WTIP: variants seen among roughly 807,000 people sequenced by gnomAD.
WTIP encodes Wilms tumor protein 1-interacting protein.
WTIP carries 23 observed loss-of-function variants against 41.7 expected under a neutral mutation model. The observed-to-expected ratio is 0.55, with a 90% CI of 0.40 to 0.78. WTIP has a LOEUF of 0.78. Among genes scored for constraint, WTIP ranks in the 30% least tolerant of loss-of-function variants. The pLI, the probability that WTIP is intolerant of heterozygous loss-of-function variation, is 0.00. For synonymous variants in WTIP, 314 were observed against 269.9 expected (o/e 1.16, Z -1.60); for missense variants, 619 against 610.5 (o/e 1.01, Z -0.15).
At position 34,482,446 on chromosome 19, in the gene WTIP, G is replaced by A. The variant is rs2075772683; in HGVS notation, c.472G>A (p.Asp158Asn). 2.3e-6 allele frequency: 3 copies of A among 1,309,582 alleles called. No individual in the cohort carries two copies. The highest frequency in any genetic ancestry group is 2.9e-6 in the Non-Finnish European group (3 of 1,029,838). The allele number at this position is 1,309,582 out of a possible 1,614,324, so 81.1% of individuals were successfully genotyped here. ...GSRGSAGAYADFLPPGACPAP... is the reference protein window; with the variant it reads ...GSRGSAGAYANFLPPGACPAP... The stretch of plus-strand genomic sequence containing the variant: ...CCGGGGCTCGGCCGGCGCCTACGCT[G>A]ACTTCCTCCCGCCCGGCGCCTGCCC... Residue 158 changes from aspartate (D) to asparagine (N), a missense_variant, in exon 1 of 8, where the codon GAC (aspartate) becomes AAC (asparagine). Asp to Asn is a conservative substitution (Grantham distance 23). Transcript: ENST00000590071.
In WTIP at chr19:34,502,516, C is replaced by T. The variant is rs1189166127; in HGVS notation, c.*2247C>T. The T allele has an allele frequency of 6.6e-6, 1 of 152,024 alleles. No individual in the cohort carries two copies. Among genetic ancestry groups the T allele is most frequent in the Non-Finnish European group, 1.5e-5 (1 of 68,112 alleles). The allele number at this position is 152,024 out of a possible 1,614,324, so 9.4% of individuals were successfully genotyped here. A position where few individuals can be genotyped will look rare whatever the true frequency, so the allele number is the denominator to read the frequency against. Reference sequence around the variant, plus strand: ...CTGGGCTGACTGCAACCTCTGCCTCCCACGTTCAAGCATTCTGCCTCAGCC... The same window carrying T: ...CTGGGCTGACTGCAACCTCTGCCTCTCACGTTCAAGCATTCTGCCTCAGCC... On this transcript the variant is annotated 3_prime_UTR_variant, in exon 8 of 8. Coordinates refer to ENST00000590071, the MANE Select transcript of WTIP (RefSeq NM_001080436.2).
rs1357438510 is a variant in WTIP at position 34,506,263 on chromosome 19, C to G, written c.*5994C>G. ...TGGGAAGCTCTGTCCCTGAACAGCC[C>G]TTGTGACTATGGGGCTGTCCTTCCA... On this transcript the variant is annotated 3_prime_UTR_variant, in exon 8 of 8. Coordinates refer to ENST00000590071, the MANE Select transcript of WTIP (RefSeq NM_001080436.2). 6.6e-6 allele frequency: 1 copy of G among 152,174 alleles called. No individual in the cohort carries two copies. Among genetic ancestry groups the G allele is most frequent in the Non-Finnish European group, 1.5e-5 (1 of 68,032 alleles). The allele number at this position is 152,174 out of a possible 1,614,324, so 9.4% of individuals were successfully genotyped here.
At chr19:34,495,614 A>G in intron 6 of WTIP, 89 bp from the exon 7 acceptor site, 1 of 1,477,718 alleles carries the variant, frequency 6.8e-7, no homozygotes, top group Non-Finnish European at 9.4e-7. Context: ...CCGCCGGGAC[A>G]GGAGCGTGGT....
intron 1 of WTIP, among the ~76,000 whole-genome samples, chr19:34,486,113 G>A (rs1195838482): frequency 1.2e-5 from 1 of 80,666 alleles, no homozygotes; most frequent in Non-Finnish European, 4.0e-5. Context: ...CCCACTCCCA[G>A]GGCCACACCG....
chr19:34,482,361 T>A lies in WTIP; in HGVS notation c.387T>A (p.Arg129=). 1 of 1,372,614 alleles carries A rather than the reference T, an allele frequency of 7.3e-7. No individual in the cohort carries two copies. The highest frequency in any genetic ancestry group is 9.4e-7 in the Non-Finnish European group (1 of 1,058,370). 85.0% of individuals were successfully genotyped at this position (1,372,614 alleles called of 1,614,324 possible). A position where few individuals can be genotyped will look rare whatever the true frequency, so the allele number is the denominator to read the frequency against. ...CGCGCTCCGGTCGCTCGGACCCGCG[T>A]CCCGGTCCCGGGCCGCCTTCGGTGG... ...GSPRSGRSDP[R]PGPGPPSVGS... Residue 129 remains arginine (R), a synonymous_variant, in exon 1 of 8, where the codon CGT becomes CGA. Transcript: ENST00000590071.
At chr19:34,484,481 C>T (rs796471263) in intron 1 of WTIP, among the ~76,000 whole-genome samples, 1 of 151,984 alleles carries the variant, frequency 6.6e-6, no homozygotes, top group South Asian at 2.1e-4. Context: ...GGTCTCGTGG[C>T]GCCTGTTGGA....
chr19:34,489,099 T>C (rs934544319), intron 1 of WTIP, among the ~76,000 whole-genome samples: 1 of 142,264 alleles, frequency 7.0e-6, no homozygotes, highest in Non-Finnish European at 1.5e-5. Flanking sequence ...CTCGGGAGGC[T>C]GAGGCAGGAG....
intron 1 of WTIP, among the ~76,000 whole-genome samples, chr19:34,488,927 G>A (rs1478394975): frequency 1.4e-5 from 2 of 143,550 alleles, no homozygotes; most frequent in African/African-American, 5.1e-5. Flanking sequence ...GCCGGGAGCA[G>A]TGGCTCACAC....
chr19:34,501,959 CTT>C lies in WTIP; in HGVS notation c.*1702_*1703del, dbSNP rs562675000. On this transcript the variant is annotated 3_prime_UTR_variant, in exon 8 of 8. Transcript: ENST00000590071. ...GCTGAGCTGCTTTTTCTTTTCTTTT[CTT>C]TTTTTTTTTTTGAGACGGAGTGTCA... The C allele has an allele frequency of 2.6e-4, 30 of 115,550 alleles. No homozygotes were observed. Among genetic ancestry groups the C allele is most frequent in the South Asian group, 8.4e-4 (3 of 3,580 alleles). The allele number at this position is 115,550 out of a possible 1,614,324, so 7.2% of individuals were successfully genotyped here.
intron 6 of WTIP, among the ~76,000 whole-genome samples, 193 bp downstream of exon 6, chr19:34,494,830 G>A (rs183532651): frequency 1.3e-5 from 2 of 152,338 alleles, no homozygotes; most frequent in East Asian, 1.9e-4. Flanking sequence ...GCACAAGGTC[G>A]AGGGAAGTGG....
At position 34,482,391 on chromosome 19, in the gene WTIP, C is replaced by T; in HGVS notation, c.417C>T (p.Ser139=). The T allele has an allele frequency of 1.5e-6, 2 of 1,366,356 alleles. No individual in the cohort carries two copies. The highest frequency in any genetic ancestry group is 9.5e-7 in the Non-Finnish European group (1 of 1,057,270). The allele number at this position is 1,366,356 out of a possible 1,614,324, so 84.6% of individuals were successfully genotyped here. A position where few individuals can be genotyped will look rare whatever the true frequency, so the allele number is the denominator to read the frequency against. The part of the protein sequence containing the change: ...RPGPGPPSVG[S]ARSSVSSLGS... ...GTCCCGGGCCGCCTTCGGTGGGCAG[C>T]GCCCGCTCCAGCGTTTCCAGCCTCG... The change falls in exon 1 of 8, where the codon AGC becomes AGT. Residue 139 remains serine (S), a synonymous_variant. Transcript: ENST00000590071.
Position 34,508,901 on chromosome 19 carries a change from C to T in WTIP, c.*8632C>T, listed in dbSNP as rs1017214090. ...CTCCTTTTCAAAAAAGTAAGTATGA[C>T]TCCCACATGAAAATTTTCTTCTACA... On this transcript the variant is annotated 3_prime_UTR_variant, in exon 8 of 8. Transcript: ENST00000590071. 2 of 152,244 alleles carry T rather than the reference C, an allele frequency of 1.3e-5. No homozygotes were observed. The highest frequency in any genetic ancestry group is 4.8e-5 in the African/African-American group (2 of 41,458). The allele number at this position is 152,244 out of a possible 1,614,324, so 9.4% of individuals were successfully genotyped here.
At chr19:34,482,755 T>C (rs566001599) in intron 1 of WTIP, 114 bp downstream of exon 1, 12 of 1,199,456 alleles carry the variant, frequency 1.0e-5, no homozygotes, top group Non-Finnish European at 1.2e-5. Context: ...TGGCTGGGGG[T>C]GCAGCAGTGC....
chr19:34,490,211 C>A (rs1476327179), intron 1 of WTIP, among the ~76,000 whole-genome samples, 165 bp from the exon 2 acceptor site: 1 of 152,156 alleles, frequency 6.6e-6, no homozygotes, highest in East Asian at 1.9e-4. Flanking sequence ...GGGTCGTGGC[C>A]ACCCTGATGG....
At chr19:34,486,654 C>A (rs2075799133) in intron 1 of WTIP, among the ~76,000 whole-genome samples, 2 of 152,168 alleles carry the variant, frequency 1.3e-5, no homozygotes, top group South Asian at 4.1e-4. Context: ...GCGTGAGCCA[C>A]CGCGCCTGGC....
In WTIP at chr19:34,504,009, ATG is replaced by A. The variant is rs555385543; in HGVS notation, c.*3753_*3754del. ...TCTGCCTGTGTGCGTGTGTGTGTGCATGTGTGTGTGTGTGAGAGAGAGACAGG... is the reference window on the plus strand; with the variant it reads ...TCTGCCTGTGTGCGTGTGTGTGTGCATGTGTGTGTGTGAGAGAGAGACAGG... On this transcript the variant is annotated 3_prime_UTR_variant, in exon 8 of 8. Coordinates refer to ENST00000590071, the MANE Select transcript of WTIP (RefSeq NM_001080436.2). The A allele has an allele frequency of 2.0e-5, 3 of 151,542 alleles. No individual in the cohort carries two copies. The highest frequency in any genetic ancestry group is 3.9e-4 in the East Asian group (2 of 5,126). 9.4% of individuals were successfully genotyped at this position (151,542 alleles called of 1,614,324 possible). A position where few individuals can be genotyped will look rare whatever the true frequency, so the allele number is the denominator to read the frequency against.
At position 34,490,375 on chromosome 19, in the gene WTIP, G is replaced by A; in HGVS notation, c.668-1G>A. ...GCTCTCTCCTGCCTCTCCTCTCCTA[G>A]GCATTTGCATCAAGTGTGGGCTTGG... On this transcript the variant is annotated splice_acceptor_variant, in intron 1 of 7. Coordinates refer to ENST00000590071, the MANE Select transcript of WTIP (RefSeq NM_001080436.2). LOFTEE classifies it high-confidence loss of function. 1.2e-6 allele frequency: 2 copies of A among 1,613,982 alleles called. No homozygotes were observed. The highest frequency in any genetic ancestry group is 1.7e-6 in the Non-Finnish European group (2 of 1,179,864).
In WTIP at chr19:34,493,207, TG is replaced by T; in HGVS notation, c.838-53del. On this transcript the variant is annotated intron_variant, in intron 3 of 7. Transcript: ENST00000590071. The surrounding 1 kb of genome is among the most constrained non-coding windows in gnomAD (Gnocchi z 4.1). ...CTGAGGCCAGGAGGCAGGTGCTAGC[TG>T]GGCCGCGAGTGCCCCTTTGTCACAC... is the stretch of plus-strand genomic sequence containing the variant. 6.2e-7 allele frequency: 1 copy of T among 1,613,096 alleles called. No homozygotes were observed. The highest frequency in any genetic ancestry group is 8.5e-7 in the Non-Finnish European group (1 of 1,179,254).
At position 34,492,979 on chromosome 19, in the gene WTIP, C is replaced by T. The variant is rs761175088; in HGVS notation, c.770-58C>T. The T allele has an allele frequency of 2.7e-5, 42 of 1,584,360 alleles. 1 individual carries two copies. Among genetic ancestry groups the T allele is most frequent in the Non-Finnish European group, 3.0e-5 (35 of 1,153,288 alleles). ...AGGAGGGTGCTGAGAGCTGGAAGCA[C>T]GGCTCCATCCCTGGTCCCCAGCGTT... On this transcript the variant is annotated intron_variant, in intron 2 of 7. Coordinates refer to ENST00000590071, the MANE Select transcript of WTIP (RefSeq NM_001080436.2).
Sources: allele counts gnomAD v4.1 joint callset (sites outside exome capture counted in the v4.1 genomes callset), GRCh38; gene constraint gnomAD v4.1.1; non-coding constraint Gnocchi (gnomAD v3.1); transcripts MANE v1.5; gene names NCBI Gene and HGNC (gene_info 2026-07-23, HGNC 2026-07-21).